Variants in ARHGAP42 observed in about 807,000 individuals in gnomAD.
ARHGAP42 encodes the protein rho GTPase-activating protein 42.
In ARHGAP42, 63 loss-of-function variants were observed where a neutral mutation model predicts 125.0. That is an observed-to-expected ratio of 0.50 (90% CI 0.41 to 0.62). The LOEUF (loss-of-function observed/expected upper bound fraction) is 0.62, where lower values mean the gene tolerates loss of function less well. Ranked by LOEUF, ARHGAP42 falls within the 20% of genes least tolerant of loss-of-function variation. The pLI is 0.00. For missense variants in ARHGAP42, 766 were observed against 1,024.2 expected, an observed-to-expected ratio of 0.75 and a Z score of 3.44; for synonymous variants, 339 against 351.0, an observed-to-expected ratio of 0.97 and a Z score of 0.38.
chr11:100,732,119 G>A (rs531897970), intron 1 of ARHGAP42, among the ~76,000 whole-genome samples: 97 of 151,810 alleles, frequency 6.4e-4, no homozygotes, highest in African/African-American at 2.2e-3. Flanking sequence ...CCACATGCCC[G>A]GCTAATTTTG....
At position 100,949,898 on chromosome 11, in the gene ARHGAP42, G is replaced by T; in HGVS notation, c.1123-19G>T. 6.9e-7 allele frequency: 1 copy of T among 1,441,828 alleles called. No homozygotes were observed. The highest frequency in any genetic ancestry group is 9.4e-7 in the Non-Finnish European group (1 of 1,064,642). The allele number at this position is 1,441,828 out of a possible 1,614,324, so 89.3% of individuals were successfully genotyped here. On this transcript the variant is annotated intron_variant, in intron 11 of 23. Coordinates refer to ENST00000298815, the MANE Select transcript of ARHGAP42 (RefSeq NM_152432.4). ...GGTCATTAACTGGAAGTAACTAATG[G>T]ACATCCTTTGTTTTTTAGATTTATA...
chr11:100,967,870 C>T (rs936628098), intron 17 of ARHGAP42, among the ~76,000 whole-genome samples: 25 of 152,118 alleles, frequency 1.6e-4, no homozygotes, highest in African/African-American at 5.8e-4. Context: ...TGTGACACCA[C>T]GCCCAGCTAA....
At chr11:100,944,525 A>G (rs549510) in intron 10 of ARHGAP42, among the ~76,000 whole-genome samples, 126,514 of 151,952 alleles carry the variant, frequency 0.83, 52,756 homozygotes, top group African/African-American at 0.87. Flanking sequence ...TACCCTTTGT[A>G]TATGATGACT....
In ARHGAP42 at chr11:100,723,108, G is replaced by A. The variant is rs1262642558; in HGVS notation, c.154+35276G>A. 3.3e-5 allele frequency among the ~76,000 whole-genome samples: 5 copies of A among 152,074 alleles called. No individual in the cohort carries two copies. The East Asian group carries it at 9.6e-4, about 29-fold the overall frequency. The stretch of plus-strand genomic sequence containing the variant: ...CTCCTTTGTCGAAGATCAGTTATGG[G>A]TCTATTTCTGGGCTATTTTATTCTG... On this transcript the variant is annotated intron_variant, in intron 1 of 23. Coordinates refer to ENST00000298815, the MANE Select transcript of ARHGAP42 (RefSeq NM_152432.4).
chr11:100,780,578 C>T (rs1863284809), intron 2 of ARHGAP42, among the ~76,000 whole-genome samples: 1 of 152,170 alleles, frequency 6.6e-6, no homozygotes, highest in African/African-American at 2.4e-5. Flanking sequence ...ACTAATAATA[C>T]GATAGGTTTT....
chr11:100,820,655 A>G (rs1295013589), intron 3 of ARHGAP42, among the ~76,000 whole-genome samples: 4 of 152,192 alleles, frequency 2.6e-5, no homozygotes, highest in Admixed American at 6.5e-5. Context: ...CATGCTCTAT[A>G]ATAGTATACT....
At chr11:100,851,464 G>A (rs984968507) in intron 3 of ARHGAP42, among the ~76,000 whole-genome samples, 1 of 152,126 alleles carries the variant, frequency 6.6e-6, no homozygotes. Flanking sequence ...AATACATTAC[G>A]TGTTTCTGGT....
At chr11:100,868,174 A>G (rs964246061) in intron 4 of ARHGAP42, among the ~76,000 whole-genome samples, 5 of 152,204 alleles carry the variant, frequency 3.3e-5, no homozygotes, top group Non-Finnish European at 7.3e-5. Context: ...AAAAAATGGC[A>G]CTAATAACCT....
At chr11:100,845,686 A>G (rs1230911195) in intron 3 of ARHGAP42, among the ~76,000 whole-genome samples, 2 of 152,162 alleles carry the variant, frequency 1.3e-5, no homozygotes, top group Non-Finnish European at 2.9e-5. Context: ...GAAGCTTTTG[A>G]AAACAGATTT....
At chr11:100,791,687 A>G in intron 2 of ARHGAP42, among the ~76,000 whole-genome samples, 1 of 144,766 alleles carries the variant, frequency 6.9e-6, no homozygotes, top group South Asian at 2.2e-4. Flanking sequence ...AAAAATCAAC[A>G]AAAAAAAAAA....
intron 1 of ARHGAP42, among the ~76,000 whole-genome samples, chr11:100,710,897 G>GGCCACTT (rs2120236487): frequency 6.6e-6 from 1 of 152,202 alleles, no homozygotes; most frequent in South Asian, 2.1e-4. Flanking sequence ...GGCTCTTTAT[G>GGCCACTT]GCCACTTGTT....
At chr11:100,829,430 T>A (rs186137631) in intron 3 of ARHGAP42, among the ~76,000 whole-genome samples, 2 of 151,970 alleles carry the variant, frequency 1.3e-5, no homozygotes, top group East Asian at 3.9e-4. Flanking sequence ...ACAGGACCAG[T>A]CATAGTTACA....
chr11:100,884,439 C>T (rs924523975), intron 4 of ARHGAP42, among the ~76,000 whole-genome samples: 20 of 151,824 alleles, frequency 1.3e-4, no homozygotes, highest in Admixed American at 5.2e-4. Context: ...TAACTGGGGG[C>T]GAACACTTAG....
chr11:100,901,158 A>T (rs1342755813), intron 4 of ARHGAP42, among the ~76,000 whole-genome samples: 1 of 152,158 alleles, frequency 6.6e-6, no homozygotes, highest in Non-Finnish European at 1.5e-5. Context: ...CCTCAGCTGC[A>T]AGTCTGTTGG....
chr11:100,909,122 A>G (rs1866835547), intron 4 of ARHGAP42, among the ~76,000 whole-genome samples: 1 of 152,044 alleles, frequency 6.6e-6, no homozygotes, highest in South Asian at 2.1e-4. Flanking sequence ...CTTGTAGGTT[A>G]TGGATATTAG....
intron 1 of ARHGAP42, among the ~76,000 whole-genome samples, chr11:100,706,124 C>T (rs558135526): frequency 2.6e-5 from 4 of 152,036 alleles, no homozygotes; most frequent in Admixed American, 6.6e-5. Flanking sequence ...GGACTACAGG[C>T]GCGTGCCACC....
chr11:100,976,569 C>T (rs1858397315), intron 20 of ARHGAP42, 132 bp downstream of exon 20: 1 of 1,335,792 alleles, frequency 7.5e-7, no homozygotes, highest in East Asian at 2.5e-5. Context: ...TTTTCCTGTG[C>T]TTGGATTTTA....
chr11:100,951,571 T>TAA (rs1857651377), intron 12 of ARHGAP42, among the ~76,000 whole-genome samples: 1 of 152,112 alleles, frequency 6.6e-6, no homozygotes, highest in African/African-American at 2.4e-5. Flanking sequence ...CTATATACAG[T>TAA]GTTGAGTAGG....
At chr11:100,928,128 C>T (rs1354491794) in intron 6 of ARHGAP42, among the ~76,000 whole-genome samples, 5 of 152,148 alleles carry the variant, frequency 3.3e-5, no homozygotes, top group African/African-American at 4.8e-5. Flanking sequence ...AGATTTAACT[C>T]ACAGGCCTGA....
Sources: gnomAD v4.1 joint callset for allele counts (sites outside exome capture counted in the v4.1 genomes callset) on GRCh38, gnomAD v4.1.1 for gene constraint, MANE v1.5 for transcripts, NCBI Gene and HGNC (gene_info 2026-07-23, HGNC 2026-07-21) for gene names.